Variants in PXDNL observed in about 807,000 individuals in gnomAD.
PXDNL encodes peroxidasin like, also known as probable oxidoreductase PXDNL.
In PXDNL, 145 loss-of-function variants were observed where a neutral mutation model predicts 150.8. The observed-to-expected ratio is 0.96, with a 90% CI of 0.84 to 1.10. The LOEUF (loss-of-function observed/expected upper bound fraction) is 1.10, where lower values mean the gene tolerates loss of function less well. PXDNL is among the 50% of genes least tolerant of loss of function. The pLI is 0.00. For synonymous variants in PXDNL, 757 were observed against 725.7 expected (o/e 1.04, Z -0.69); for missense variants, 2,087 against 1,873.9 (o/e 1.11, Z -2.10).
chr8:51,517,378 G>A (rs1177015828), intron 4 of PXDNL, among the ~76,000 whole-genome samples: 1 of 152,076 alleles, frequency 6.6e-6, no homozygotes, highest in East Asian at 1.9e-4. Flanking sequence ...AAATATTAGT[G>A]TATACTGTGC....
intron 17 of PXDNL, among the ~76,000 whole-genome samples, chr8:51,383,619 T>G (rs1807611870): frequency 6.6e-6 from 1 of 152,206 alleles, no homozygotes; most frequent in Non-Finnish European, 1.5e-5. Flanking sequence ...TAACTGTGTT[T>G]AAATTTACCT....
chr8:51,741,929 C>T (rs992797097), intron 1 of PXDNL, among the ~76,000 whole-genome samples: 3 of 152,144 alleles, frequency 2.0e-5, no homozygotes, highest in Admixed American at 6.5e-5. Flanking sequence ...CACAAAAATA[C>T]CTTTACATAA....
At chr8:51,649,641 G>A (rs1201296124) in intron 2 of PXDNL, among the ~76,000 whole-genome samples, 2 of 152,158 alleles carry the variant, frequency 1.3e-5, no homozygotes, top group East Asian at 1.9e-4. Flanking sequence ...TTCTAGTTGG[G>A]GGGGAGTCTG....
chr8:51,575,350 A>G (rs1160049821), intron 3 of PXDNL, among the ~76,000 whole-genome samples: 2 of 152,042 alleles, frequency 1.3e-5, no homozygotes, highest in African/African-American at 4.8e-5. Context: ...GAAAAGGGAG[A>G]AAATAAACAG....
At chr8:51,407,428 T>C (rs1808467841) in intron 17 of PXDNL, among the ~76,000 whole-genome samples, 1 of 152,220 alleles carries the variant, frequency 6.6e-6, no homozygotes, top group Admixed American at 6.5e-5. Flanking sequence ...CAAAACTTCT[T>C]TGTGAAACTG....
At chr8:51,778,137 C>T (rs1474235073) in intron 1 of PXDNL, among the ~76,000 whole-genome samples, 1 of 151,868 alleles carries the variant, frequency 6.6e-6, no homozygotes, top group African/African-American at 2.4e-5. Flanking sequence ...GAGATCGAGA[C>T]CATCCTGGCT....
At chr8:51,651,607 G>C (rs1249126555) in intron 2 of PXDNL, among the ~76,000 whole-genome samples, 2 of 152,134 alleles carry the variant, frequency 1.3e-5, no homozygotes, top group Non-Finnish European at 2.9e-5. Flanking sequence ...CCTAGAATCA[G>C]ATCTTCGTAT....
chr8:51,744,268 G>A (rs1472267489), intron 1 of PXDNL, among the ~76,000 whole-genome samples: 2 of 111,674 alleles, frequency 1.8e-5, no homozygotes, highest in Admixed American at 2.0e-4. Flanking sequence ...AAAAGAGAAA[G>A]AAAGGAAGGA....
chr8:51,496,147 A>C (rs1033827157), intron 5 of PXDNL, among the ~76,000 whole-genome samples: 27 of 152,252 alleles, frequency 1.8e-4, no homozygotes, highest in Non-Finnish European at 2.9e-4. Flanking sequence ...AATAAATGTA[A>C]TCCAGCATAT....
chr8:51,418,687 G>A (rs1373224921), intron 14 of PXDNL, among the ~76,000 whole-genome samples: 2 of 152,166 alleles, frequency 1.3e-5, no homozygotes, highest in African/African-American at 2.4e-5. Flanking sequence ...ATATTCCTAT[G>A]AGTTTAGTAT....
chr8:51,368,348 G>A (rs1207970847), intron 19 of PXDNL, among the ~76,000 whole-genome samples: 2 of 152,082 alleles, frequency 1.3e-5, no homozygotes, highest in African/African-American at 4.8e-5. Flanking sequence ...AAGATATAAT[G>A]ATGTAAATCT....
At position 51,718,456 on chromosome 8, in the gene PXDNL, A is replaced by T. The variant is rs183280267; in HGVS notation, c.165-63696T>A. On this transcript the variant is annotated intron_variant, in intron 1 of 22. Coordinates refer to ENST00000356297, the MANE Select transcript of PXDNL (RefSeq NM_144651.5). The stretch of plus-strand genomic sequence containing the variant: ...TTCAATCATGCATATACTTTCCAGC[A>T]TTCATCTTTTTGGTTTTCTTCTCAA... Among the ~76,000 whole-genome samples the T allele has an allele frequency of 3.5e-4, 53 of 152,356 alleles. 1 individual carries two copies. The highest frequency in any genetic ancestry group is 2.4e-3 in the Admixed American group (36 of 15,304).
intron 19 of PXDNL, among the ~76,000 whole-genome samples, chr8:51,356,283 G>A (rs1316713703): frequency 5.9e-5 from 9 of 152,202 alleles, no homozygotes; most frequent in Admixed American, 5.9e-4. Flanking sequence ...GAGGCTGGGA[G>A]TTTGAGACCA....
At chr8:51,404,129 T>C (rs1191871026) in intron 17 of PXDNL, among the ~76,000 whole-genome samples, 1 of 152,192 alleles carries the variant, frequency 6.6e-6, no homozygotes, top group South Asian at 2.1e-4. Flanking sequence ...CTGCATACCC[T>C]TGGGGTGAGT....
intron 3 of PXDNL, among the ~76,000 whole-genome samples, chr8:51,580,162 C>T (rs1813175169): frequency 6.6e-6 from 1 of 151,896 alleles, no homozygotes; most frequent in African/African-American, 2.4e-5. Context: ...AAGGTGTGGG[C>T]AGAGGGAAGC....
intron 3 of PXDNL, among the ~76,000 whole-genome samples, chr8:51,588,092 G>A (rs532443672): frequency 2.8e-4 from 43 of 152,268 alleles, no homozygotes; most frequent in Middle Eastern, 3.4e-3. Flanking sequence ...ACAAGAAAGG[G>A]AAAATAGCCA....
intron 20 of PXDNL, among the ~76,000 whole-genome samples, chr8:51,341,515 T>A (rs1270318098): frequency 6.6e-6 from 1 of 152,152 alleles, no homozygotes; most frequent in Non-Finnish European, 1.5e-5. Flanking sequence ...AACTATACAG[T>A]ACCATTTATT....
intron 4 of PXDNL, among the ~76,000 whole-genome samples, chr8:51,509,906 G>T (rs923323932): frequency 1.3e-5 from 2 of 151,808 alleles, no homozygotes; most frequent in African/African-American, 4.8e-5. Context: ...TTTAAAGCTT[G>T]CCTTCCCTGC....
intron 8 of PXDNL, among the ~76,000 whole-genome samples, chr8:51,459,381 T>C (rs918743157): frequency 1.3e-5 from 2 of 152,232 alleles, no homozygotes; most frequent in African/African-American, 4.8e-5. Flanking sequence ...AATCACATTT[T>C]TCAGAAGGTG....
Sources: gnomAD v4.1 joint callset for allele counts (sites outside exome capture counted in the v4.1 genomes callset) on GRCh38, gnomAD v4.1.1 for gene constraint, MANE v1.5 for transcripts, NCBI Gene and HGNC (gene_info 2026-07-23, HGNC 2026-07-21) for gene names.